Variants in GRID2 observed in about 807,000 individuals in gnomAD.
GRID2 encodes the protein glutamate receptor ionotropic, delta-2.
Under a neutral mutation model 114.8 loss-of-function variants are expected in GRID2, and 33 were observed. The ratio of observed to expected loss-of-function variants is 0.29; its 90% CI spans 0.22 to 0.38. The LOEUF is 0.38. Among genes scored for constraint, GRID2 ranks in the 10% least tolerant of loss-of-function variants. The probability of loss-of-function intolerance (pLI) is 1.00; values close to 1 mark genes in which losing one functional copy is unlikely to be tolerated. For missense variants in GRID2, 1,184 were observed against 1,257.7 expected (o/e 0.94, Z 0.89); for synonymous variants, 505 against 449.9 (o/e 1.12, Z -1.55).
At chr4:93,118,117 C>A (rs1420765846) in intron 4 of GRID2, among the ~76,000 whole-genome samples, 1 of 152,100 alleles carries the variant, frequency 6.6e-6, no homozygotes, top group Non-Finnish European at 1.5e-5. Flanking sequence ...TAATTGCTGC[C>A]CTTATGACAG....
chr4:93,608,554 A>C (rs1188437647), intron 13 of GRID2, among the ~76,000 whole-genome samples: 1 of 145,720 alleles, frequency 6.9e-6, no homozygotes, highest in Non-Finnish European at 1.5e-5. Flanking sequence ...GAGTGAGAAT[A>C]CGCAGTGTTT....
At position 92,802,273 on chromosome 4, in the gene GRID2, T is replaced by C. The variant is rs138822657; in HGVS notation, c.244+211987T>C. The stretch of plus-strand genomic sequence containing the variant: ...CACAAGAATGGTGCATTTGTTAAAA[T>C]TGATGTACTTACATTGACACATTAT... On this transcript the variant is annotated intron_variant, in intron 2 of 15. Transcript: ENST00000282020. Among the ~76,000 whole-genome samples the C allele has an allele frequency of 3.4e-3, 513 of 152,052 alleles. 3 individuals are homozygous for C. Among genetic ancestry groups the C allele is most frequent in the African/African-American group, 0.011 (472 of 41,522 alleles).
chr4:93,227,320 C>T (rs1322944991), intron 7 of GRID2, among the ~76,000 whole-genome samples: 5 of 151,998 alleles, frequency 3.3e-5, no homozygotes, highest in South Asian at 2.1e-4. Context: ...CTCTGCCTCC[C>T]GGGTTCAAGT....
intron 1 of GRID2, among the ~76,000 whole-genome samples, chr4:92,492,623 C>T (rs1381041611): frequency 6.6e-6 from 1 of 152,016 alleles, no homozygotes; most frequent in Non-Finnish European, 1.5e-5. Flanking sequence ...ATATCTGAGG[C>T]ATAGATATTC....
intron 4 of GRID2, among the ~76,000 whole-genome samples, chr4:93,114,959 A>G (rs1452269308): frequency 1.3e-5 from 2 of 152,326 alleles, no homozygotes; most frequent in Admixed American, 6.5e-5. Context: ...GAACTGACTC[A>G]TGCTACAGAG....
chr4:93,011,205 T>C (rs1690089957), intron 2 of GRID2, among the ~76,000 whole-genome samples: 1 of 151,978 alleles, frequency 6.6e-6, no homozygotes, highest in African/African-American at 2.4e-5. Flanking sequence ...TTTCATCAGT[T>C]GAAAATTTTT....
intron 1 of GRID2, among the ~76,000 whole-genome samples, chr4:92,577,228 A>G (rs1036990402): frequency 2.6e-5 from 4 of 152,180 alleles, no homozygotes; most frequent in African/African-American, 7.2e-5. Flanking sequence ...TGAGTCTTGA[A>G]AAAAAGACTG....
chr4:93,295,552 G>A (rs17020339), intron 8 of GRID2, among the ~76,000 whole-genome samples: 8,213 of 152,114 alleles, frequency 0.054, 748 homozygotes, highest in African/African-American at 0.19. Flanking sequence ...GATGAGTGAA[G>A]GATACAGTCC....
At chr4:93,448,602 A>T (rs1194290264) in intron 10 of GRID2, among the ~76,000 whole-genome samples, 2 of 151,982 alleles carry the variant, frequency 1.3e-5, no homozygotes, top group African/African-American at 4.8e-5. Flanking sequence ...AAAATACAAT[A>T]AAACTAGAAA....
At chr4:93,127,512 G>A (rs1734386715) in intron 4 of GRID2, among the ~76,000 whole-genome samples, 1 of 152,156 alleles carries the variant, frequency 6.6e-6, no homozygotes, top group African/African-American at 2.4e-5. Flanking sequence ...TATTTATTGT[G>A]TTTTCCTTAC....
chr4:92,963,938 C>T (rs117097054), intron 2 of GRID2, among the ~76,000 whole-genome samples: 14 of 152,044 alleles, frequency 9.2e-5, no homozygotes, highest in East Asian at 3.9e-4. Flanking sequence ...TTGTGAATCT[C>T]GATCAGAGCT....
At chr4:93,088,412 T>C (rs1730509993) in intron 3 of GRID2, among the ~76,000 whole-genome samples, 1 of 152,134 alleles carries the variant, frequency 6.6e-6, no homozygotes, top group Admixed American at 6.6e-5. Context: ...AACATAGTCT[T>C]AGTCTTTAAT....
chr4:93,305,435 G>A (rs1411370877), intron 8 of GRID2, among the ~76,000 whole-genome samples: 2 of 152,152 alleles, frequency 1.3e-5, no homozygotes, highest in Non-Finnish European at 2.9e-5. Context: ...TAGGGTGAAG[G>A]GGATAGGAAC....
chr4:92,631,936 A>T (rs1730827646), intron 2 of GRID2, among the ~76,000 whole-genome samples: 1 of 152,180 alleles, frequency 6.6e-6, no homozygotes, highest in Non-Finnish European at 1.5e-5. Context: ...TTTTCTGCCC[A>T]AGAAAACACT....
intron 14 of GRID2, among the ~76,000 whole-genome samples, chr4:93,765,265 CT>C (rs1733550620): frequency 1.3e-5 from 2 of 152,088 alleles, no homozygotes; most frequent in Admixed American, 6.6e-5. Context: ...TTAGAGAACA[CT>C]TTCATTCCCT....
At chr4:92,919,170 T>G (rs566458917) in intron 2 of GRID2, among the ~76,000 whole-genome samples, 1 of 152,144 alleles carries the variant, frequency 6.6e-6, no homozygotes, top group African/African-American at 2.4e-5. Flanking sequence ...TGATGGTGGT[T>G]TGTATTTCTT....
chr4:92,370,083 A>C, intron 1 of GRID2, among the ~76,000 whole-genome samples: 1 of 152,156 alleles, frequency 6.6e-6, no homozygotes, highest in East Asian at 1.9e-4. Context: ...TACCAACAAC[A>C]TGTGCTCACT....
At chr4:93,607,914 A>G (rs934814236) in intron 13 of GRID2, among the ~76,000 whole-genome samples, 1 of 151,984 alleles carries the variant, frequency 6.6e-6, no homozygotes, top group Non-Finnish European at 1.5e-5. Flanking sequence ...AATTTTAAAC[A>G]TTAACTGTTT....
chr4:93,282,438 A>G, intron 8 of GRID2: 1 of 434,204 alleles, frequency 2.3e-6, no homozygotes, highest in East Asian at 7.2e-5. Flanking sequence ...TTCTTGCTGC[A>G]TCATCTTATG....
Sources: allele counts gnomAD v4.1 joint callset (sites outside exome capture counted in the v4.1 genomes callset), GRCh38; gene constraint gnomAD v4.1.1; transcripts MANE v1.5; gene names NCBI Gene and HGNC (gene_info 2026-07-23, HGNC 2026-07-21).